Variants in PLCL1 observed in about 807,000 individuals in gnomAD.
PLCL1 encodes phospholipase C like 1 (inactive), also known as inactive phospholipase C-like protein 1.
Under a neutral mutation model 84.4 loss-of-function variants are expected in PLCL1, and 41 were observed. The ratio of observed to expected loss-of-function variants is 0.49; its 90% confidence interval spans 0.38 to 0.63. PLCL1 has a LOEUF of 0.63. Among genes scored for constraint, PLCL1 ranks in the 30% least tolerant of loss-of-function variants. The probability of loss-of-function intolerance (pLI) is 0.00; values close to 1 mark genes in which losing one functional copy is unlikely to be tolerated. For missense variants in PLCL1, 1,206 were observed against 1,367.8 expected, an observed-to-expected ratio of 0.88 and a Z score of 1.87; for synonymous variants, 490 against 488.3, an observed-to-expected ratio of 1.00 and a Z score of -0.05.
At chr2:197,991,695 T>C (rs546021750) in intron 1 of PLCL1, among the ~76,000 whole-genome samples, 2 of 152,308 alleles carry the variant, frequency 1.3e-5, no homozygotes, top group Admixed American at 1.3e-4. Flanking sequence ...AAGCTTCCCC[T>C]TTCTCCCAGT....
At chr2:198,012,868 AGTTT>A (rs970909479) in intron 1 of PLCL1, among the ~76,000 whole-genome samples, 2 of 152,048 alleles carry the variant, frequency 1.3e-5, no homozygotes, top group African/African-American at 4.8e-5. Flanking sequence ...TTCTATAGAT[AGTTT>A]ATTTGTGGTT....
At chr2:198,073,534 G>A (rs1003895963) in intron 1 of PLCL1, among the ~76,000 whole-genome samples, 10 of 152,164 alleles carry the variant, frequency 6.6e-5, no homozygotes, top group African/African-American at 9.7e-5. Context: ...CAAAGGTTCT[G>A]TATCTCTATG....
intron 1 of PLCL1, among the ~76,000 whole-genome samples, chr2:197,956,783 G>A (rs889542841): frequency 6.6e-6 from 1 of 151,686 alleles, no homozygotes; most frequent in Non-Finnish European, 1.5e-5. Context: ...TTTTTTTCTT[G>A]TAAATTTGTT....
chr2:197,871,516 GT>G (rs1687651914), intron 1 of PLCL1, among the ~76,000 whole-genome samples: 1 of 152,046 alleles, frequency 6.6e-6, no homozygotes, highest in African/African-American at 2.4e-5. Context: ...CCACACCCTT[GT>G]TGGCTTAAAA....
intron 1 of PLCL1, among the ~76,000 whole-genome samples, chr2:198,031,207 C>CA (rs58115602): frequency 0.046 from 3,658 of 79,682 alleles, 120 homozygotes; most frequent in African/African-American, 0.12. Context: ...CTTGTCTCTA[C>CA]AAAAAAAAAA....
intron 1 of PLCL1, among the ~76,000 whole-genome samples, chr2:198,016,549 G>C (rs997310783): frequency 3.3e-5 from 5 of 152,160 alleles, no homozygotes; most frequent in African/African-American, 1.2e-4. Flanking sequence ...GCTCTTTCTA[G>C]CTGGGAGACT....
intron 3 of PLCL1, among the ~76,000 whole-genome samples, chr2:198,096,951 A>G (rs898077015): frequency 2.6e-5 from 4 of 152,230 alleles, no homozygotes; most frequent in Admixed American, 6.5e-5. Context: ...AGGATGGGAA[A>G]GAGTTGTAGT....
At chr2:198,076,386 C>A (rs936518614) in intron 1 of PLCL1, among the ~76,000 whole-genome samples, 7 of 152,162 alleles carry the variant, frequency 4.6e-5, no homozygotes, top group Non-Finnish European at 1.0e-4. Flanking sequence ...AAATGAATCA[C>A]CTTTTATAAA....
At chr2:197,824,761 C>T (rs1690893761) in intron 1 of PLCL1, among the ~76,000 whole-genome samples, 1 of 148,798 alleles carries the variant, frequency 6.7e-6, no homozygotes, top group Non-Finnish European at 1.5e-5. Flanking sequence ...CTCAGATATT[C>T]AGCTTGTTTG....
chr2:197,977,588 G>A (rs1341242996), intron 1 of PLCL1, among the ~76,000 whole-genome samples: 1 of 151,616 alleles, frequency 6.6e-6, no homozygotes, highest in Non-Finnish European at 1.5e-5. Flanking sequence ...TGTTCCTATT[G>A]CCCCTACCCT....
At chr2:198,080,464 G>A (rs2105893260) in intron 1 of PLCL1, among the ~76,000 whole-genome samples, 1 of 147,522 alleles carries the variant, frequency 6.8e-6, no homozygotes, top group South Asian at 2.2e-4. Flanking sequence ...TCTGGTGGTG[G>A]TGAAGCTTAG....
intron 1 of PLCL1, among the ~76,000 whole-genome samples, chr2:197,843,236 G>A (rs1687045886): frequency 6.6e-6 from 1 of 152,214 alleles, no homozygotes; most frequent in Non-Finnish European, 1.5e-5. Flanking sequence ...ACCATCATGG[G>A]TATGGAAGAT....
chr2:198,077,218 G>C (rs1692596521), intron 1 of PLCL1, among the ~76,000 whole-genome samples: 1 of 151,926 alleles, frequency 6.6e-6, no homozygotes, highest in Admixed American at 6.6e-5. Flanking sequence ...GCAGCAGTTT[G>C]GGTCTCATTT....
chr2:198,095,622 A>T (rs1330543469), intron 3 of PLCL1, among the ~76,000 whole-genome samples: 1 of 152,222 alleles, frequency 6.6e-6, no homozygotes, highest in African/African-American at 2.4e-5. Context: ...GTGAGGTACT[A>T]CCCAGCCCTA....
intron 1 of PLCL1, among the ~76,000 whole-genome samples, chr2:197,993,454 C>G (rs1052829794): frequency 4.6e-5 from 7 of 152,122 alleles, no homozygotes; most frequent in African/African-American, 1.4e-4. Context: ...GGGAAGCATA[C>G]AGATGGCACA....
chr2:198,148,156 G>A lies in PLCL1; in HGVS notation c.*1194G>A. 6.6e-6 allele frequency: 1 copy of A among 152,230 alleles called. No individual in the cohort carries two copies. The highest frequency in any genetic ancestry group is 2.1e-4 in the South Asian group (1 of 4,830). The allele number at this position is 152,230 out of a possible 1,614,324, so 9.4% of individuals were successfully genotyped here. A position where few individuals can be genotyped will look rare whatever the true frequency, so the allele number is the denominator to read the frequency against. On this transcript the variant is annotated 3_prime_UTR_variant, in exon 6 of 6. Coordinates refer to ENST00000428675, the MANE Select transcript of PLCL1 (RefSeq NM_006226.4). Reference sequence around the variant, plus strand: ...CATAAAGTACTTGAGTGTAATGTTTGTTACCTCCAACAGAACTAAATGTTC... The same window carrying A: ...CATAAAGTACTTGAGTGTAATGTTTATTACCTCCAACAGAACTAAATGTTC...
At chr2:197,996,883 T>C (rs1690479641) in intron 1 of PLCL1, among the ~76,000 whole-genome samples, 1 of 152,184 alleles carries the variant, frequency 6.6e-6, no homozygotes, top group African/African-American at 2.4e-5. Context: ...CTGTCAAGGC[T>C]GCACTAATGA....
At chr2:198,035,543 G>C (rs149482287) in intron 1 of PLCL1, among the ~76,000 whole-genome samples, 1 of 152,106 alleles carries the variant, frequency 6.6e-6, no homozygotes, top group Non-Finnish European at 1.5e-5. Flanking sequence ...AAGAATGATG[G>C]GGACATGTCA....
intron 1 of PLCL1, among the ~76,000 whole-genome samples, chr2:197,853,731 C>CT (rs1181591173): frequency 6.6e-6 from 1 of 152,138 alleles, no homozygotes; most frequent in Non-Finnish European, 1.5e-5. Context: ...GGGCTGCCTT[C>CT]TCTAGGAAGT....
Sources: allele counts gnomAD v4.1 joint callset (sites outside exome capture counted in the v4.1 genomes callset), GRCh38; gene constraint gnomAD v4.1.1; transcripts MANE v1.5; gene names NCBI Gene and HGNC (gene_info 2026-07-23, HGNC 2026-07-21).